Variants in NRXN1 observed in about 807,000 individuals in gnomAD.
NRXN1 encodes neurexin 1.
A neutral mutation model predicts 150.9 loss-of-function variants in NRXN1; 39 were observed. The observed-to-expected ratio is 0.26, with a 90% CI of 0.20 to 0.34. The LOEUF (loss-of-function observed/expected upper bound fraction) is 0.34. Ranked by LOEUF, NRXN1 falls within the 10% of genes least tolerant of loss-of-function variation. The pLI is 1.00. For missense variants in NRXN1, 1,815 were observed against 1,949.9 expected (o/e 0.93, Z 1.30); for synonymous variants, 924 against 757.0 (o/e 1.22, Z -3.62).
At chr2:50,226,367 C>T (rs1285110314) in intron 18 of NRXN1, among the ~76,000 whole-genome samples, 2 of 151,810 alleles carry the variant, frequency 1.3e-5, no homozygotes, top group Admixed American at 6.6e-5. Flanking sequence ...GGCTAATGTG[C>T]CAGTAGAATA....
intron 17 of NRXN1, chr2:50,463,992 G>C (rs983358064): frequency 6.6e-6 from 1 of 151,462 alleles, no homozygotes. Flanking sequence ...CTGTGAGGCA[G>C]GAACAAATGC....
At chr2:50,504,668 A>C (rs1304016025) in intron 13 of NRXN1, among the ~76,000 whole-genome samples, 1 of 152,158 alleles carries the variant, frequency 6.6e-6, no homozygotes, top group African/African-American at 2.4e-5. Context: ...ACCATCCAAA[A>C]CACTGCCACA....
chr2:50,793,806 C>T (rs964430970), intron 5 of NRXN1, among the ~76,000 whole-genome samples: 5 of 152,026 alleles, frequency 3.3e-5, no homozygotes, highest in African/African-American at 1.2e-4. Context: ...CCCCAGAGGA[C>T]CCTCAGCATG....
intron 5 of NRXN1, among the ~76,000 whole-genome samples, chr2:50,626,662 A>C (rs948975461): frequency 6.6e-6 from 1 of 151,954 alleles, no homozygotes; most frequent in Non-Finnish European, 1.5e-5. Flanking sequence ...AATCTGTGAA[A>C]ACTTGTCAGA....
intron 5 of NRXN1, among the ~76,000 whole-genome samples, chr2:50,863,194 T>A (rs1406176565): frequency 6.6e-6 from 1 of 152,074 alleles, no homozygotes; most frequent in Admixed American, 6.6e-5. Flanking sequence ...CCTTCTAAAG[T>A]ATTCAAAGAA....
chr2:50,773,144 A>C lies in NRXN1; in HGVS notation c.832+148725T>G, dbSNP rs564180417. 2.4e-4 allele frequency among the ~76,000 whole-genome samples: 37 copies of C among 152,174 alleles called. 1 individual carries two copies. The Middle Eastern group carries it at 0.01, about 42-fold the overall frequency. On this transcript the variant is annotated intron_variant, in intron 5 of 22. Transcript: ENST00000401669. ...TATTTCCTGTTTCTATACAGCAGTC[A>C]TTTGGACTCTACAATATTTCAATCT...
At chr2:51,026,036 C>G (rs1331487290) in intron 2 of NRXN1, among the ~76,000 whole-genome samples, 1 of 152,136 alleles carries the variant, frequency 6.6e-6, no homozygotes, top group African/African-American at 2.4e-5. Flanking sequence ...ACTCTCCTTG[C>G]TGTTTAAACA....
intron 15 of NRXN1, among the ~76,000 whole-genome samples, chr2:50,472,690 A>C (rs1454902793): frequency 6.6e-6 from 1 of 151,874 alleles, no homozygotes; most frequent in Non-Finnish European, 1.5e-5. Context: ...AGACAACTAA[A>C]GTAATTCCAT....
intron 18 of NRXN1, among the ~76,000 whole-genome samples, chr2:50,232,899 A>C (rs188804194): frequency 1.3e-5 from 2 of 152,146 alleles, no homozygotes; most frequent in African/African-American, 4.8e-5. Context: ...AATCACCATA[A>C]CCAATTCTTA....
In NRXN1 at chr2:50,236,925, T is replaced by C. The variant is rs2065493313; in HGVS notation, c.3410A>G (p.Tyr1137Cys). Residue 1137 changes from tyrosine to cysteine, a missense_variant, in exon 18 of 23, where the codon TAT becomes TGT. By Grantham distance (194) the Tyr-to-Cys change is radical. Around this residue, in one of 6 missense-constraint regions of NRXN1, gnomAD observed 339 missense variants for 440.3 expected, o/e 0.77. Transcript: ENST00000401669. ...GGGTCGGTCATTAGGAGGCCACTTATACGTGATTTGTCCACCACCTTTGCT... is the reference window on the plus strand; with the variant it reads ...GGGTCGGTCATTAGGAGGCCACTTACACGTGATTTGTCCACCACCTTTGCT... ...IFSKGGGQITYKWPPNDRPST... is the reference protein window; with the variant it reads ...IFSKGGGQITCKWPPNDRPST... 6.2e-7 allele frequency: 1 copy of C among 1,613,290 alleles called. No homozygotes were observed. Among genetic ancestry groups the C allele is most frequent in the African/African-American group, 1.3e-5 (1 of 74,880 alleles).
At chr2:50,225,020 T>G (rs1024326026) in intron 18 of NRXN1, among the ~76,000 whole-genome samples, 1 of 151,938 alleles carries the variant, frequency 6.6e-6, no homozygotes, top group Admixed American at 6.6e-5. Flanking sequence ...AAAAGAAAAG[T>G]CTTCCTTTCA....
At chr2:51,005,513 C>T (rs921725793) in intron 2 of NRXN1, among the ~76,000 whole-genome samples, 1 of 151,904 alleles carries the variant, frequency 6.6e-6, no homozygotes, top group Non-Finnish European at 1.5e-5. Context: ...TAAGGGGATT[C>T]ATCACCATGA....
rs144196271 is a variant in NRXN1 at position 50,585,007 on chromosome 2, T to A, written c.1321-31982A>T. 4.8e-4 allele frequency among the ~76,000 whole-genome samples: 73 copies of A among 152,030 alleles called. No homozygotes were observed. The East Asian group carries it at 0.013, about 26-fold the overall frequency. On this transcript the variant is annotated intron_variant, in intron 8 of 22. Transcript: ENST00000401669. ...TCAAACTTGAGTCGTGCACACAAAG[T>A]TTTTTTTCATAAAAATAAAAGTTTT...
chr2:50,262,961 C>A (rs1010051752), intron 17 of NRXN1, among the ~76,000 whole-genome samples: 2 of 151,966 alleles, frequency 1.3e-5, no homozygotes, highest in African/African-American at 4.8e-5. Flanking sequence ...TACTCATTCC[C>A]TGGTAGATTA....
chr2:50,078,631 T>G (rs571815902), intron 19 of NRXN1, among the ~76,000 whole-genome samples: 1 of 152,258 alleles, frequency 6.6e-6, no homozygotes, highest in South Asian at 2.1e-4. Context: ...TGTCTTTTTT[T>G]GTAATTCGTG....
At chr2:50,790,991 T>C (rs1014081700) in intron 5 of NRXN1, among the ~76,000 whole-genome samples, 3 of 152,056 alleles carry the variant, frequency 2.0e-5, no homozygotes, top group African/African-American at 4.8e-5. Context: ...CCTGTACTAG[T>C]AGCTGATTTT....
At chr2:50,196,725 C>T (rs935168161) in intron 18 of NRXN1, among the ~76,000 whole-genome samples, 5 of 152,040 alleles carry the variant, frequency 3.3e-5, no homozygotes, top group African/African-American at 1.2e-4. Context: ...TGTTTTGCAG[C>T]CATAAAAACA....
At chr2:50,929,224 T>C (rs2104372081) in intron 2 of NRXN1, among the ~76,000 whole-genome samples, 1 of 152,198 alleles carries the variant, frequency 6.6e-6, no homozygotes, top group South Asian at 2.1e-4. Context: ...AAGTATACGG[T>C]TCTAGGAAAA....
chr2:50,305,363 C>T (rs1016669580), intron 17 of NRXN1, among the ~76,000 whole-genome samples: 3 of 152,032 alleles, frequency 2.0e-5, no homozygotes, highest in Non-Finnish European at 4.4e-5. Context: ...TGTTAAATAT[C>T]CAGGGTCCTA....
Sources: allele counts gnomAD v4.1 joint callset (sites outside exome capture counted in the v4.1 genomes callset), GRCh38; gene constraint gnomAD v4.1.1; regional missense constraint gnomAD v4.1.1; transcripts MANE v1.5; gene names NCBI Gene and HGNC (gene_info 2026-07-23, HGNC 2026-07-21).